POLN: variants seen among roughly 807,000 people sequenced by gnomAD.
POLN encodes DNA polymerase nu.
POLN carries 108 observed loss-of-function variants against 113.5 expected under a neutral mutation model. The observed-to-expected ratio is 0.95, with a 90% CI of 0.81 to 1.12. The LOEUF is 1.12. Ranked by LOEUF, POLN falls within the 50% of genes most tolerant of loss-of-function variation. POLN has a pLI of 0.00. For synonymous variants in POLN, 386 were observed against 391.5 expected (o/e 0.99, Z 0.17); for missense variants, 1,097 against 1,077.1 (o/e 1.02, Z -0.26).
intron 19 of POLN, among the ~76,000 whole-genome samples, chr4:2,125,179 T>C (rs1329342890): frequency 6.6e-6 from 1 of 152,050 alleles, no homozygotes; most frequent in Admixed American, 6.6e-5. Flanking sequence ...CTGGGCTGGT[T>C]GTGCACTGCA....
intron 5 of POLN, among the ~76,000 whole-genome samples, chr4:2,202,084 T>A (rs995479842): frequency 1.3e-5 from 2 of 151,914 alleles, no homozygotes; most frequent in Non-Finnish European, 2.9e-5. Flanking sequence ...AAAGCATACA[T>A]TTCACAGGCC....
intron 2 of POLN, chr4:2,238,694 T>A: frequency 6.2e-7 from 1 of 1,612,936 alleles, no homozygotes; most frequent in Non-Finnish European, 8.5e-7. Context: ...TAATTGCTTG[T>A]AGAGCATCAT....
At chr4:2,089,230 G>A in intron 20 of POLN, 6 of 1,532,620 alleles carry the variant, frequency 3.9e-6, no homozygotes, top group South Asian at 3.6e-5. Context: ...TACATCAATT[G>A]TTTCTGCAAT....
intron 11 of POLN, among the ~76,000 whole-genome samples, chr4:2,173,451 A>C (rs576888297): frequency 3.3e-5 from 5 of 151,648 alleles, no homozygotes; most frequent in Admixed American, 2.6e-4. Context: ...CACTGAATTT[A>C]TTTCTTTTAT....
intron 6 of POLN, among the ~76,000 whole-genome samples, chr4:2,196,596 C>T (rs188690657): frequency 2.0e-5 from 3 of 150,118 alleles, no homozygotes; most frequent in Admixed American, 6.6e-5. Context: ...ATTTGGACTG[C>T]GTACACAACT....
intron 24 of POLN, among the ~76,000 whole-genome samples, chr4:2,073,914 G>A (rs1047988709): frequency 1.3e-5 from 2 of 152,224 alleles, no homozygotes; most frequent in Non-Finnish European, 2.9e-5. Flanking sequence ...GTCACCGTCT[G>A]CAGGGAGCTG....
chr4:2,238,547 A>G, intron 2 of POLN: 1 of 1,175,470 alleles, frequency 8.5e-7, no homozygotes, highest in Non-Finnish European at 1.2e-6. Context: ...AACTCTCTCT[A>G]GTATTTCGCA....
intron 3 of POLN, among the ~76,000 whole-genome samples, chr4:2,226,519 C>T (rs923658500): frequency 1.3e-5 from 2 of 152,198 alleles, no homozygotes; most frequent in Middle Eastern, 3.2e-3. Flanking sequence ...GTGGTAGTTA[C>T]ATGGATGTTC....
At chr4:2,226,319 G>A (rs1734392151) in intron 3 of POLN, among the ~76,000 whole-genome samples, 1 of 152,210 alleles carries the variant, frequency 6.6e-6, no homozygotes, top group Non-Finnish European at 1.5e-5. Flanking sequence ...GTGTAATTGT[G>A]TGCCTCAGAA....
At chr4:2,176,652 T>C (rs1343476385) in intron 8 of POLN, among the ~76,000 whole-genome samples, 1 of 152,136 alleles carries the variant, frequency 6.6e-6, no homozygotes, top group Non-Finnish European at 1.5e-5. Context: ...GATTAAATGG[T>C]AGCAGGGAGA....
intron 5 of POLN, among the ~76,000 whole-genome samples, chr4:2,204,289 A>T (rs1392100697): frequency 6.6e-6 from 1 of 152,130 alleles, no homozygotes; most frequent in African/African-American, 2.4e-5. Flanking sequence ...AAATGAAAAG[A>T]TCACTCAAGG....
At position 2,229,178 on chromosome 4, in the gene POLN, G is replaced by A; in HGVS notation, c.54C>T (p.Ser18=). The change falls in exon 3 of 26, where the codon TCC becomes TCT. Residue 18 remains serine, a synonymous_variant. Coordinates refer to ENST00000511885, the MANE Select transcript of POLN (RefSeq NM_181808.4). ...CAGACATAATCTTCTGAGCAACACT[G>A]GAGAGCGGTGTATTACAGAGATCAA... ...VGFDLCNTPL[S]SVAQKIMSAM... is the part of the protein sequence containing the mutation. 1 of 1,610,916 alleles carries A rather than the reference G, an allele frequency of 6.2e-7. No homozygotes were observed. Among genetic ancestry groups the A allele is most frequent in the Non-Finnish European group, 8.5e-7 (1 of 1,177,252 alleles).
intron 2 of POLN, chr4:2,230,170 C>T (rs951680009): frequency 1.3e-5 from 2 of 152,382 alleles, no homozygotes; most frequent in African/African-American, 4.8e-5. Flanking sequence ...TGGTGCACGC[C>T]TACAATCCCA....
chr4:2,110,239 A>G (rs1359157164), intron 19 of POLN, among the ~76,000 whole-genome samples: 1 of 152,214 alleles, frequency 6.6e-6, no homozygotes. Context: ...CATTCAAAGC[A>G]GTGTGTAGAG....
intron 13 of POLN, among the ~76,000 whole-genome samples, chr4:2,164,467 C>T (rs1230176764): frequency 6.9e-6 from 1 of 144,198 alleles, no homozygotes; most frequent in Non-Finnish European, 1.5e-5. Flanking sequence ...CACCATTGCT[C>T]TCCAGCCTGG....
At chr4:2,133,145 T>C (rs1236812952) in intron 16 of POLN, among the ~76,000 whole-genome samples, 2 of 25,652 alleles carry the variant, frequency 7.8e-5, no homozygotes, top group South Asian at 1.9e-3. Context: ...TTATAAAAAA[T>C]GGCAAAAAAA....
chr4:2,239,973 AATATT>A, intron 2 of POLN: 1 of 1,250,596 alleles, frequency 8.0e-7, no homozygotes, highest in Non-Finnish European at 1.1e-6. Flanking sequence ...CTTTAACAGC[AATATT>A]ATCTCCTCTA....
intron 3 of POLN, among the ~76,000 whole-genome samples, chr4:2,217,118 C>A (rs1017089499): frequency 3.3e-5 from 5 of 152,232 alleles, no homozygotes; most frequent in African/African-American, 9.6e-5. Context: ...ACTCCCTGAT[C>A]TTCCAATCTT....
chr4:2,161,571 C>T (rs1346265489), intron 13 of POLN, among the ~76,000 whole-genome samples: 2 of 152,222 alleles, frequency 1.3e-5, no homozygotes, highest in Non-Finnish European at 2.9e-5. Flanking sequence ...GGCTCCTGTG[C>T]GGCTGGAGCC....
Sources: allele counts gnomAD v4.1 joint callset (sites outside exome capture counted in the v4.1 genomes callset), GRCh38; gene constraint gnomAD v4.1.1; transcripts MANE v1.5; gene names NCBI Gene and HGNC (gene_info 2026-07-23, HGNC 2026-07-21).